The following EYS variants were observed in gnomAD, a reference collection of about 807,000 sequenced individuals.
EYS encodes the protein EGF-like photoreceptor maintenance factor, also known as protein eyes shut homolog.
EYS carries 250 observed loss-of-function variants against 282.1 expected under a neutral mutation model. That is an observed-to-expected ratio of 0.89 (90% CI 0.80 to 0.98). EYS has a LOEUF of 0.98. Ranked by LOEUF, EYS falls within the 50% of genes least tolerant of loss-of-function variation. EYS has a pLI of 0.00. For missense variants in EYS, 4,016 were observed against 3,709.0 expected (o/e 1.08, Z -2.15); for synonymous variants, 1,355 against 1,282.9 (o/e 1.06, Z -1.20).
intron 12 of EYS, among the ~76,000 whole-genome samples, chr6:65,075,259 A>G (rs1583459668): frequency 6.6e-6 from 1 of 152,002 alleles, no homozygotes; most frequent in East Asian, 1.9e-4. Flanking sequence ...CTACAATTCA[A>G]TGAGTTTATC....
intron 28 of EYS, among the ~76,000 whole-genome samples, chr6:64,419,599 C>T (rs1304183083): frequency 6.6e-6 from 1 of 152,176 alleles, no homozygotes; most frequent in African/African-American, 2.4e-5. Flanking sequence ...TGGGTAAATA[C>T]ACTTGCTCCA....
At chr6:64,421,948 C>T (rs569888078) in intron 28 of EYS, among the ~76,000 whole-genome samples, 4 of 151,226 alleles carry the variant, frequency 2.6e-5, no homozygotes, top group Admixed American at 2.6e-4. Flanking sequence ...CCTCTCCATC[C>T]TCCCCATCAA....
At chr6:64,022,348 T>C (rs1342656713) in intron 33 of EYS, among the ~76,000 whole-genome samples, 1 of 152,210 alleles carries the variant, frequency 6.6e-6, no homozygotes, top group Non-Finnish European at 1.5e-5. Context: ...CACTCAGGTA[T>C]CCAGAATCTA....
chr6:63,832,617 A>G (rs1190256059), intron 36 of EYS, among the ~76,000 whole-genome samples: 1 of 152,224 alleles, frequency 6.6e-6, no homozygotes, highest in Admixed American at 6.5e-5. Flanking sequence ...ACGGATTCAC[A>G]GCCTAATTCT....
chr6:64,766,468 C>G (rs1401279910), intron 22 of EYS, among the ~76,000 whole-genome samples: 1 of 147,378 alleles, frequency 6.8e-6, no homozygotes, highest in Non-Finnish European at 1.5e-5. Flanking sequence ...TCTGTCTGTA[C>G]TAATAATACA....
At chr6:64,288,993 C>A (rs1348440369) in intron 30 of EYS, among the ~76,000 whole-genome samples, 1 of 152,060 alleles carries the variant, frequency 6.6e-6, no homozygotes, top group Non-Finnish European at 1.5e-5. Flanking sequence ...AGTCTCATTT[C>A]TTCATTTTTG....
intron 12 of EYS, among the ~76,000 whole-genome samples, chr6:65,293,745 T>C (rs192987036): frequency 6.6e-4 from 100 of 151,952 alleles, no homozygotes; most frequent in African/African-American, 2.4e-3. Flanking sequence ...ATAACTGGTG[T>C]TGTAACAAGA....
chr6:64,187,950 G>A (rs766369007), intron 31 of EYS, among the ~76,000 whole-genome samples: 17 of 151,870 alleles, frequency 1.1e-4, no homozygotes, highest in Non-Finnish European at 2.1e-4. Context: ...TGTGTATTCT[G>A]AAAACAGCAA....
chr6:64,980,292 G>A (rs185590429), intron 14 of EYS, among the ~76,000 whole-genome samples: 2 of 151,512 alleles, frequency 1.3e-5, no homozygotes, highest in East Asian at 2.0e-4. Flanking sequence ...AAATAGCACA[G>A]AAAAATTTCA....
At chr6:64,570,302 T>G (rs1034751394) in intron 26 of EYS, among the ~76,000 whole-genome samples, 6 of 152,180 alleles carry the variant, frequency 3.9e-5, no homozygotes, top group Admixed American at 1.3e-4. Context: ...GCACTAAATA[T>G]AGAAAGGAAC....
At chr6:64,590,133 G>T (rs1481613196) in intron 26 of EYS, 90 bp downstream of exon 26, 7 of 1,177,122 alleles carry the variant, frequency 5.9e-6, no homozygotes, top group Non-Finnish European at 5.9e-6. Context: ...AGGCTGTTCA[G>T]AGCACCCGGT....
rs572058937 is a variant in EYS, at chr6:64,472,624, T to C, written c.5645-33272A>G. ...AGAAACCATGTAAATATTTCACATA[T>C]AAAATTTAGAAAAACGATGTATTAC... On this transcript the variant is annotated intron_variant, in intron 26 of 42. Coordinates refer to ENST00000503581, the MANE Select transcript of EYS (RefSeq NM_001142800.2). 6.6e-5 allele frequency among the ~76,000 whole-genome samples: 10 copies of C among 152,226 alleles called. No individual in the cohort carries two copies. In the South Asian group the frequency reaches 1.5e-3, roughly 22 times the overall value.
At chr6:65,395,652 AT>A (rs1562149350) in intron 7 of EYS, among the ~76,000 whole-genome samples, 2 of 151,866 alleles carry the variant, frequency 1.3e-5, no homozygotes, top group South Asian at 2.1e-4. Context: ...TTTCGTCTTT[AT>A]TTTTTTATTG....
chr6:65,333,453 G>C (rs188939714), intron 11 of EYS, among the ~76,000 whole-genome samples: 6 of 151,450 alleles, frequency 4.0e-5, no homozygotes, highest in Non-Finnish European at 8.9e-5. Flanking sequence ...ATAGCATAGC[G>C]TAGGATATGA....
intron 2 of EYS, among the ~76,000 whole-genome samples, chr6:65,527,928 G>A (rs927217241): frequency 2.6e-5 from 4 of 152,104 alleles, no homozygotes; most frequent in South Asian, 2.1e-4. Context: ...CAAAGGAGTT[G>A]GTTCAATAGG....
intron 22 of EYS, among the ~76,000 whole-genome samples, chr6:64,641,851 T>C (rs1442721331): frequency 2.0e-5 from 3 of 152,326 alleles, no homozygotes; most frequent in Non-Finnish European, 4.4e-5. Flanking sequence ...AGGGGAATTA[T>C]GTTGTGTACT....
intron 22 of EYS, among the ~76,000 whole-genome samples, chr6:64,807,103 CATT>C (rs1195132623): frequency 6.6e-6 from 1 of 152,010 alleles, no homozygotes; most frequent in Non-Finnish European, 1.5e-5. Context: ...TGAAAGCAGT[CATT>C]ATTACACTGA....
chr6:65,017,093 C>T (rs1297305010), intron 13 of EYS, among the ~76,000 whole-genome samples: 2 of 152,112 alleles, frequency 1.3e-5, no homozygotes, highest in Admixed American at 1.3e-4. Flanking sequence ...CATTCCCTCC[C>T]AGCTTCCTAG....
At chr6:64,164,074 G>A (rs1295428934) in intron 31 of EYS, among the ~76,000 whole-genome samples, 1 of 152,092 alleles carries the variant, frequency 6.6e-6, no homozygotes, top group African/African-American at 2.4e-5. Context: ...AATGTGTAAA[G>A]TAAACTCCTA....
Sources: allele counts gnomAD v4.1 joint callset (sites outside exome capture counted in the v4.1 genomes callset), GRCh38; gene constraint gnomAD v4.1.1; transcripts MANE v1.5; gene names NCBI Gene and HGNC (gene_info 2026-07-23, HGNC 2026-07-21).